Variants in KCNH2 observed in about 807,000 individuals in gnomAD.
KCNH2 encodes potassium voltage-gated channel subfamily H member 2, also known as voltage-gated inwardly rectifying potassium channel KCNH2.
In KCNH2, 35 loss-of-function variants were observed where a neutral mutation model predicts 95.9. The observed-to-expected ratio is 0.37, with a 90% CI of 0.28 to 0.48. The LOEUF (loss-of-function observed/expected upper bound fraction) is 0.48. Ranked by LOEUF, KCNH2 falls within the 20% of genes least tolerant of loss-of-function variation. The pLI, the probability that KCNH2 is intolerant of heterozygous loss-of-function variation, is 0.99. For synonymous variants in KCNH2, 786 were observed against 754.7 expected, an observed-to-expected ratio of 1.04 and a Z score of -0.68; for missense variants, 1,274 against 1,702.9, an observed-to-expected ratio of 0.75 and a Z score of 4.43.
chr7:150,947,624 TGTC>T lies in KCNH2; in HGVS notation c.2944_2946del (p.Asp982del). ...GGGATACCTGACAGGGGGTTGCAAG[TGTC>T]GCTGCTCTTCTCGCAGTCCTCCATC... On this transcript the variant is annotated inframe_deletion, in exon 12 of 15. Coordinates refer to ENST00000262186, the MANE Select transcript of KCNH2 (RefSeq NM_000238.4). The T allele has an allele frequency of 1.2e-6, 2 of 1,612,738 alleles. No individual in the cohort carries two copies. The highest frequency in any genetic ancestry group is 1.7e-6 in the Non-Finnish European group (2 of 1,179,552).
intron 3 of KCNH2, 86 bp downstream of exon 3, chr7:150,959,486 T>C: frequency 4.7e-6 from 7 of 1,501,108 alleles, no homozygotes; most frequent in Non-Finnish European, 6.4e-6. Context: ...CCTCCCTTCC[T>C]GCAGAGCGTT....
In KCNH2 at chr7:150,945,553, T is replaced by TGGA; in HGVS notation, c.3331-42_3331-40dup. 6.4e-7 allele frequency: 1 copy of TGGA among 1,550,668 alleles called. No homozygotes were observed. The highest frequency in any genetic ancestry group is 8.7e-7 in the Non-Finnish European group (1 of 1,146,578). ...AGAGCATGGGCAGGCGAAGAGGCCA[T>TGGA]GGAGGAGGAGGAAGGGGAGGGAAAG... On this transcript the variant is annotated intron_variant, in intron 14 of 14. Coordinates refer to ENST00000262186, the MANE Select transcript of KCNH2 (RefSeq NM_000238.4). The surrounding 1 kb of genome is among the most constrained non-coding windows in gnomAD (Gnocchi z 5.6).
In KCNH2 at chr7:150,952,266, C is replaced by T. The variant is rs925948250; in HGVS notation, c.1557+159G>A. Among the ~76,000 whole-genome samples the T allele has an allele frequency of 6.6e-6, 1 of 152,166 alleles. No individual in the cohort carries two copies. Among genetic ancestry groups the T allele is most frequent in the Non-Finnish European group, 1.5e-5 (1 of 68,026 alleles). On this transcript the variant is annotated intron_variant, in intron 6 of 14. Coordinates refer to ENST00000262186, the MANE Select transcript of KCNH2 (RefSeq NM_000238.4). This position sits in a 1 kb window ranked among gnomAD's most constrained non-coding sequence, Gnocchi z 7.3. ...TGCTGGGGTACCCACCTTGCCTCTG[C>T]AGCTGCCTTGCCACCATGTCTCTCT...
chr7:150,973,826 G>A (rs948897318), intron 2 of KCNH2, among the ~76,000 whole-genome samples: 3 of 152,218 alleles, frequency 2.0e-5, no homozygotes, highest in African/African-American at 7.2e-5. Context: ...ATCTCCAAGA[G>A]CCTAGTGCCT....
In KCNH2 at chr7:150,946,139, G is replaced by A. The variant is rs1395106620; in HGVS notation, c.3331-625C>T. On this transcript the variant is annotated intron_variant, in intron 14 of 14. Coordinates refer to ENST00000262186, the MANE Select transcript of KCNH2 (RefSeq NM_000238.4). The surrounding 1 kb of genome is among the most constrained non-coding windows in gnomAD (Gnocchi z 6.5). ...GGGGGAGCGGATGCCAAGGGAAGTGGGGAGGGAGCAGATCCCAGGCCGCCT... is the reference window on the plus strand; with the variant it reads ...GGGGGAGCGGATGCCAAGGGAAGTGAGGAGGGAGCAGATCCCAGGCCGCCT... 1.3e-5 allele frequency among the ~76,000 whole-genome samples: 2 copies of A among 152,112 alleles called. No individual in the cohort carries two copies. The highest frequency in any genetic ancestry group is 4.8e-5 in the African/African-American group (2 of 41,418).
Position 150,958,477 on chromosome 7 carries a change from C to A in KCNH2, c.498G>T (p.Lys166Asn). ...APGRAKTFRL[K>N]LPALLALTAR... ...CCGTCAGCGCCAGCAGCGCGGGCAG[C>A]TTCAGGCGGAAGGTCTTGGCGCGGC... The change falls in exon 4 of 15, where the codon AAG becomes AAT. Residue 166 changes from lysine to asparagine, a missense_variant. Transcript: ENST00000262186. The A allele has an allele frequency of 6.8e-7, 1 of 1,470,618 alleles. No homozygotes were observed. Among genetic ancestry groups the A allele is most frequent in the Non-Finnish European group, 8.9e-7 (1 of 1,117,396 alleles). The allele number at this position is 1,470,618 out of a possible 1,614,324, so 91.1% of individuals were successfully genotyped here. A position where few individuals can be genotyped will look rare whatever the true frequency, so the allele number is the denominator to read the frequency against.
chr7:150,969,128 A>G (rs1801775998), intron 2 of KCNH2, among the ~76,000 whole-genome samples: 1 of 152,192 alleles, frequency 6.6e-6, no homozygotes, highest in South Asian at 2.1e-4. Flanking sequence ...GAGCTGGTGC[A>G]GTGGCATTCC....
At chr7:150,951,372 T>A in intron 7 of KCNH2, 76 bp downstream of exon 7, 5 of 1,581,746 alleles carry the variant, frequency 3.2e-6, no homozygotes, top group Non-Finnish European at 3.5e-6. Context: ...CTGGCCCGGC[T>A]AGCAGCCTCA....
chr7:150,972,368 ATG>A lies in KCNH2; in HGVS notation c.307+2341_307+2342del, dbSNP rs140393127. Among the ~76,000 whole-genome samples, 788 of 152,312 alleles carry A rather than the reference ATG, an allele frequency of 5.2e-3. 9 individuals are homozygous for A. Among genetic ancestry groups the A allele is most frequent in the African/African-American group, 0.018 (759 of 41,574 alleles). On this transcript the variant is annotated intron_variant, in intron 2 of 14. Coordinates refer to ENST00000262186, the MANE Select transcript of KCNH2 (RefSeq NM_000238.4). ...TCACCTCCGCCTCCCTACCAGGCCC[ATG>A]TGTGAGTACACACACAGGCACGCAC...
At chr7:150,963,810 C>A (rs2117027218) in intron 2 of KCNH2, among the ~76,000 whole-genome samples, 1 of 152,332 alleles carries the variant, frequency 6.6e-6, no homozygotes, top group African/African-American at 2.4e-5. Context: ...GGCTGGCCAC[C>A]TAGCAGGCCT....
intron 2 of KCNH2, among the ~76,000 whole-genome samples, chr7:150,973,927 G>A (rs908964392): frequency 4.6e-5 from 7 of 152,188 alleles, no homozygotes; most frequent in African/African-American, 1.2e-4. Context: ...CTCTGCAGCC[G>A]GATTCTGCCC....
At chr7:150,957,730 G>T (rs1801424995) in intron 4 of KCNH2, among the ~76,000 whole-genome samples, 1 of 152,214 alleles carries the variant, frequency 6.6e-6, no homozygotes, top group Non-Finnish European at 1.5e-5. Context: ...GAAACGGTCT[G>T]CTCCAGGACG....
Position 150,961,407 on chromosome 7 carries a change from C to T in KCNH2, c.308-1671G>A, listed in dbSNP as rs1427004286. Among the ~76,000 whole-genome samples, 11 of 151,916 alleles carry T rather than the reference C, an allele frequency of 7.2e-5. No individual in the cohort carries two copies. Among genetic ancestry groups the T allele is most frequent in the Non-Finnish European group, 1.6e-4 (11 of 68,024 alleles). ...CTGCCTCCCAGGTCCAAGTGATTCT[C>T]CTGCCTCAGCCTCCCAAGTAGCTGG... On this transcript the variant is annotated intron_variant, in intron 2 of 14. Coordinates refer to ENST00000262186, the MANE Select transcript of KCNH2 (RefSeq NM_000238.4). The surrounding 1 kb of genome is among the most constrained non-coding windows in gnomAD (Gnocchi z 6.2).
chr7:150,967,327 C>A (rs1304493974), intron 2 of KCNH2, among the ~76,000 whole-genome samples: 3 of 152,124 alleles, frequency 2.0e-5, no homozygotes, highest in Admixed American at 6.5e-5. Flanking sequence ...CAAGGGAGAT[C>A]CACAAATAGC....
intron 8 of KCNH2, 143 bp from the exon 9 acceptor site, chr7:150,950,563 G>T: frequency 8.8e-7 from 1 of 1,138,376 alleles, no homozygotes; most frequent in Non-Finnish European, 1.2e-6. Flanking sequence ...GGGGCCCAGT[G>T]TCTTGGGAAG....
At chr7:150,968,252 C>T (rs573882285) in intron 2 of KCNH2, among the ~76,000 whole-genome samples, 7 of 152,278 alleles carry the variant, frequency 4.6e-5, no homozygotes, top group Admixed American at 4.6e-4. Flanking sequence ...CACTCCCGGG[C>T]GTGTATCCCA....
chr7:150,947,359 T>G lies in KCNH2; in HGVS notation c.3121A>C (p.Arg1041=). Residue 1041 remains arginine (R), a synonymous_variant, in exon 13 of 15, where the codon AGG becomes CGG. Transcript: ENST00000262186. ...GRRPRGDVES[R]LDALQRQLNR... is the part of the protein sequence containing the mutation. ...AGCTGGCGCTGGAGGGCATCCAGCC[T>G]GCTCTCCACGTCGCCCCGGGGCCGC... The G allele has an allele frequency of 6.5e-7, 1 of 1,545,652 alleles. No individual in the cohort carries two copies. The highest frequency in any genetic ancestry group is 1.2e-5 in the South Asian group (1 of 83,964).
intron 2 of KCNH2, among the ~76,000 whole-genome samples, chr7:150,974,400 C>T (rs1052279508): frequency 5.3e-5 from 8 of 152,208 alleles, no homozygotes; most frequent in African/African-American, 1.7e-4. Context: ...AACTCTAGTC[C>T]AACTTGCTCT....
intron 2 of KCNH2, among the ~76,000 whole-genome samples, chr7:150,960,662 T>C (rs1473904573): frequency 3.9e-5 from 6 of 152,114 alleles, no homozygotes; most frequent in Admixed American, 6.6e-5. Flanking sequence ...ACACTGATCC[T>C]TCACCAAAGA....
Sources: allele counts gnomAD v4.1 joint callset (sites outside exome capture counted in the v4.1 genomes callset), GRCh38; gene constraint gnomAD v4.1.1; non-coding constraint Gnocchi (gnomAD v3.1); transcripts MANE v1.5; gene names NCBI Gene and HGNC (gene_info 2026-07-23, HGNC 2026-07-21).